C8orf34: variants seen among roughly 807,000 people sequenced by gnomAD.
The protein encoded by C8orf34 is chromosome 8 open reading frame 34.
C8orf34 carries 65 observed loss-of-function variants against 68.3 expected under a neutral mutation model. The ratio of observed to expected loss-of-function variants is 0.95; its 90% CI spans 0.78 to 1.17. The LOEUF (loss-of-function observed/expected upper bound fraction) is 1.17. Ranked by LOEUF, C8orf34 falls within the 50% of genes most tolerant of loss-of-function variation. The pLI, the probability that C8orf34 is intolerant of heterozygous loss-of-function variation, is 0.00. For missense variants in C8orf34, 664 were observed against 655.4 expected (o/e 1.01, Z -0.14); for synonymous variants, 244 against 241.2 (o/e 1.01, Z -0.11).
Position 68,448,344 on chromosome 8 carries a change from T to G in C8orf34, c.607+1884T>G, listed in dbSNP as rs182552346. On this transcript the variant is annotated intron_variant, in intron 3 of 13. Transcript: ENST00000518698. ...AAGCAAAAATAATAATAAAATAGCA[T>G]ACTTTTTTTTAAAAAATAGCATATG... is the stretch of plus-strand genomic sequence containing the variant. Among the ~76,000 whole-genome samples the G allele has an allele frequency of 4.4e-3, 665 of 151,498 alleles. 8 individuals carry two copies. Among genetic ancestry groups the G allele is most frequent in the African/African-American group, 0.015 (633 of 41,026 alleles).
chr8:68,525,925 T>C (rs1250743067), intron 6 of C8orf34: 2 of 235,718 alleles, frequency 8.5e-6, no homozygotes, highest in Non-Finnish European at 1.7e-5. Flanking sequence ...CATGGAAAGA[T>C]GGCAGCTGAA....
intron 1 of C8orf34, among the ~76,000 whole-genome samples, chr8:68,418,440 TTAGC>T (rs1563421368): frequency 6.6e-6 from 1 of 152,128 alleles, no homozygotes; most frequent in Admixed American, 6.5e-5. Context: ...TTTGTCATAG[TTAGC>T]TCTTATTATT....
At chr8:68,464,309 C>G (rs374696582) in intron 3 of C8orf34, among the ~76,000 whole-genome samples, 2 of 152,072 alleles carry the variant, frequency 1.3e-5, no homozygotes, top group African/African-American at 2.4e-5. Context: ...AGGATACAAA[C>G]AAATGGAAGA....
At chr8:68,618,143 AG>A (rs1324370573) in intron 7 of C8orf34, among the ~76,000 whole-genome samples, 3 of 152,118 alleles carry the variant, frequency 2.0e-5, no homozygotes, top group Admixed American at 2.0e-4. Context: ...AATAATTTTA[AG>A]GGATGTTTAA....
rs188276340 is a variant in C8orf34 at position 68,417,575 on chromosome 8, C to T, written c.328-21924C>T. ...TGAAAACGAGAGGAGAAAATAAGAA[C>T]CTATATTATTCTTGAACACATTTTT... On this transcript the variant is annotated intron_variant, in intron 1 of 13. Coordinates refer to ENST00000518698, the MANE Select transcript of C8orf34 (RefSeq NM_052958.4). Among the ~76,000 whole-genome samples the T allele has an allele frequency of 3.0e-4, 45 of 151,974 alleles. 2 individuals are homozygous for T. The East Asian group carries it at 7.5e-3, about 25-fold the overall frequency.
intron 1 of C8orf34, among the ~76,000 whole-genome samples, chr8:68,409,971 G>C (rs1809374535): frequency 6.6e-6 from 1 of 152,146 alleles, no homozygotes; most frequent in Non-Finnish European, 1.5e-5. Context: ...AGCAGCAGTA[G>C]GCCATGCCAT....
At chr8:68,428,438 A>T (rs1045653702) in intron 1 of C8orf34, among the ~76,000 whole-genome samples, 6 of 152,272 alleles carry the variant, frequency 3.9e-5, no homozygotes, top group African/African-American at 1.4e-4. Flanking sequence ...GAATCAAAGT[A>T]TTCTAAAATC....
At chr8:68,502,257 G>T (rs1033435370) in intron 5 of C8orf34, among the ~76,000 whole-genome samples, 4 of 152,052 alleles carry the variant, frequency 2.6e-5, no homozygotes, top group African/African-American at 9.7e-5. Context: ...GTAGAGATGG[G>T]GTTTCACCAT....
chr8:68,742,464 C>T (rs1406552673), intron 10 of C8orf34, among the ~76,000 whole-genome samples: 2 of 152,180 alleles, frequency 1.3e-5, no homozygotes, highest in East Asian at 3.9e-4. Flanking sequence ...GTGTAAGCAG[C>T]CCCTCTCATT....
chr8:68,434,080 T>C (rs1810556764), intron 1 of C8orf34, among the ~76,000 whole-genome samples: 1 of 152,160 alleles, frequency 6.6e-6, no homozygotes, highest in African/African-American at 2.4e-5. Context: ...GTTCTCTAAG[T>C]TCTTTTCAAA....
intron 7 of C8orf34, chr8:68,535,373 T>C: frequency 1.0e-6 from 1 of 984,260 alleles, no homozygotes; most frequent in Middle Eastern, 5.2e-4. Flanking sequence ...TATACCAAGA[T>C]ATAACTGGCT....
chr8:68,756,240 G>T (rs1053397274), intron 10 of C8orf34, among the ~76,000 whole-genome samples: 1 of 152,018 alleles, frequency 6.6e-6, no homozygotes, highest in Non-Finnish European at 1.5e-5. Context: ...CAGGATTCAG[G>T]GACTTTATTT....
At chr8:68,758,479 C>A (rs1455158708) in intron 10 of C8orf34, among the ~76,000 whole-genome samples, 1 of 152,076 alleles carries the variant, frequency 6.6e-6, no homozygotes, top group African/African-American at 2.4e-5. Flanking sequence ...GCTGGGAACA[C>A]CAGGCCAAAA....
intron 7 of C8orf34, chr8:68,535,481 GATT>G: frequency 1.0e-6 from 1 of 965,480 alleles, no homozygotes; most frequent in South Asian, 4.8e-5. Context: ...TATAAAAAAG[GATT>G]ATTCTTCAAT....
At chr8:68,783,411 G>A (rs1823746988) in intron 11 of C8orf34, among the ~76,000 whole-genome samples, 3 of 151,284 alleles carry the variant, frequency 2.0e-5, no homozygotes, top group African/African-American at 4.9e-5. Context: ...CCAGCTACTC[G>A]GGAGGCTGAG....
At chr8:68,524,924 C>T (rs902184293) in intron 6 of C8orf34, among the ~76,000 whole-genome samples, 1 of 152,076 alleles carries the variant, frequency 6.6e-6, no homozygotes, top group Admixed American at 6.5e-5. Context: ...AGCTGAATCA[C>T]CTTATTAAAA....
At chr8:68,760,488 T>G (rs1280984727) in intron 10 of C8orf34, among the ~76,000 whole-genome samples, 1 of 152,196 alleles carries the variant, frequency 6.6e-6, no homozygotes, top group East Asian at 1.9e-4. Context: ...GAGTGTTGAA[T>G]AATGTGTTTA....
At chr8:68,403,565 T>C (rs1030143057) in intron 1 of C8orf34, among the ~76,000 whole-genome samples, 1 of 151,914 alleles carries the variant, frequency 6.6e-6, no homozygotes, top group South Asian at 2.1e-4. Flanking sequence ...CCTTGGTGTG[T>C]GATGTTCCCT....
intron 10 of C8orf34, among the ~76,000 whole-genome samples, chr8:68,722,228 T>A (rs1454580854): frequency 2.0e-5 from 3 of 152,092 alleles, no homozygotes; most frequent in Non-Finnish European, 4.4e-5. Flanking sequence ...CTTCTTCCCT[T>A]TGTACATGTC....
Sources: allele counts gnomAD v4.1 joint callset (sites outside exome capture counted in the v4.1 genomes callset), GRCh38; gene constraint gnomAD v4.1.1; transcripts MANE v1.5; gene names NCBI Gene and HGNC (gene_info 2026-07-23, HGNC 2026-07-21).